SGCZ: variants seen among roughly 807,000 people sequenced by gnomAD.
SGCZ encodes the protein sarcoglycan zeta, also known as zeta-sarcoglycan.
SGCZ carries 40 observed loss-of-function variants against 41.3 expected under a neutral mutation model. The observed-to-expected ratio is 0.97, with a 90% CI of 0.75 to 1.26. The LOEUF is 1.26. Among genes scored for constraint, SGCZ ranks in the 50% most tolerant of loss-of-function variants. The probability of loss-of-function intolerance (pLI) is 0.00; values close to 1 mark genes in which losing one functional copy is unlikely to be tolerated. For synonymous variants in SGCZ, 206 were observed against 137.5 expected, an observed-to-expected ratio of 1.50 and a Z score of -3.49; for missense variants, 552 against 369.8, an observed-to-expected ratio of 1.49 and a Z score of -4.04.
intron 4 of SGCZ, among the ~76,000 whole-genome samples, chr8:14,219,712 A>G (rs1472276429): frequency 6.6e-6 from 1 of 151,604 alleles, no homozygotes; most frequent in East Asian, 2.0e-4. Flanking sequence ...GCACCACTGC[A>G]CTCCAGCCTG....
chr8:14,345,922 G>C lies in SGCZ; in HGVS notation c.235-21718C>G, dbSNP rs1343862441. Among the ~76,000 whole-genome samples the C allele has an allele frequency of 2.6e-5, 4 of 152,052 alleles. No individual in the cohort carries two copies. In the East Asian group the frequency reaches 7.7e-4, roughly 29 times the overall value. ...AAGATCAGTGGTTGCCAAGAATTCA[G>C]GGTAGGGAGGAAGGGATGTCTCAGT... is the stretch of plus-strand genomic sequence containing the variant. On this transcript the variant is annotated intron_variant, in intron 2 of 7. Coordinates refer to ENST00000382080, the MANE Select transcript of SGCZ (RefSeq NM_139167.4).
chr8:14,532,042 T>C (rs566531705), intron 2 of SGCZ, among the ~76,000 whole-genome samples: 1 of 152,222 alleles, frequency 6.6e-6, no homozygotes, highest in Admixed American at 6.5e-5. Context: ...TAGAAAATCA[T>C]TTTTCTTTAG....
intron 3 of SGCZ, among the ~76,000 whole-genome samples, chr8:14,244,499 T>G (rs1180565495): frequency 6.6e-6 from 1 of 152,172 alleles, no homozygotes; most frequent in Admixed American, 6.5e-5. Context: ...ACTGTAGCCT[T>G]GTAGTACAGT....
At chr8:14,691,656 T>C (rs1302926217) in intron 1 of SGCZ, among the ~76,000 whole-genome samples, 1 of 151,998 alleles carries the variant, frequency 6.6e-6, no homozygotes. Flanking sequence ...GTAGAAATAG[T>C]TCCATAAATA....
chr8:14,194,615 C>G (rs1805207400), intron 4 of SGCZ, among the ~76,000 whole-genome samples: 1 of 151,906 alleles, frequency 6.6e-6, no homozygotes, highest in Non-Finnish European at 1.5e-5. Context: ...TTTTCTGCTT[C>G]TGGCCAATAT....
At chr8:14,420,881 A>G (rs1799619670) in intron 2 of SGCZ, among the ~76,000 whole-genome samples, 1 of 152,110 alleles carries the variant, frequency 6.6e-6, no homozygotes, top group Non-Finnish European at 1.5e-5. Context: ...CTTGCTTTAT[A>G]TTTGTATGCA....
chr8:14,589,497 A>T (rs1339272815), intron 1 of SGCZ, among the ~76,000 whole-genome samples: 1 of 152,222 alleles, frequency 6.6e-6, no homozygotes, highest in Non-Finnish European at 1.5e-5. Flanking sequence ...TTGGAATCAG[A>T]CATAACTGAA....
At chr8:14,495,870 C>T (rs1036279499) in intron 2 of SGCZ, among the ~76,000 whole-genome samples, 1 of 152,088 alleles carries the variant, frequency 6.6e-6, no homozygotes, top group Non-Finnish European at 1.5e-5. Context: ...CAAGCCCTTC[C>T]TGGGTGATCA....
chr8:14,747,316 C>T (rs1799363949), intron 1 of SGCZ, among the ~76,000 whole-genome samples: 1 of 152,128 alleles, frequency 6.6e-6, no homozygotes, highest in African/African-American at 2.4e-5. Context: ...TCTAGCCGCC[C>T]TCAACACAAC....
intron 1 of SGCZ, among the ~76,000 whole-genome samples, chr8:15,030,905 G>C (rs1803636294): frequency 6.6e-6 from 1 of 152,182 alleles, no homozygotes; most frequent in Non-Finnish European, 1.5e-5. Flanking sequence ...CACAGTTTAA[G>C]TAAAGGAAAT....
At chr8:14,917,790 G>A (rs1438824979) in intron 1 of SGCZ, among the ~76,000 whole-genome samples, 6 of 151,834 alleles carry the variant, frequency 4.0e-5, no homozygotes, top group African/African-American at 7.3e-5. Flanking sequence ...AAATGATTTC[G>A]TGTCTTCTAT....
At chr8:14,354,303 ATGT>A (rs1803212203) in intron 2 of SGCZ, among the ~76,000 whole-genome samples, 1 of 151,958 alleles carries the variant, frequency 6.6e-6, no homozygotes, top group Non-Finnish European at 1.5e-5. Flanking sequence ...TCTGAAATTA[ATGT>A]TATTAGAAAA....
At position 14,586,103 on chromosome 8, in the gene SGCZ, G is replaced by A. The variant is rs532875865; in HGVS notation, c.40-31177C>T. Among the ~76,000 whole-genome samples the A allele has an allele frequency of 1.1e-4, 16 of 152,282 alleles. No homozygotes were observed. In the East Asian group the frequency reaches 2.3e-3, roughly 22 times the overall value. ...GTTAATCCTATTAACTATACACGCAGCTGAGAATAATTCTACTTCATAATC... is the reference window on the plus strand; with the variant it reads ...GTTAATCCTATTAACTATACACGCAACTGAGAATAATTCTACTTCATAATC... On this transcript the variant is annotated intron_variant, in intron 1 of 7. Coordinates refer to ENST00000382080, the MANE Select transcript of SGCZ (RefSeq NM_139167.4).
intron 1 of SGCZ, among the ~76,000 whole-genome samples, chr8:14,710,369 C>CAAAAAAAAAAAA (rs770994264): frequency 2.2e-5 from 2 of 92,428 alleles, no homozygotes; most frequent in Non-Finnish European, 4.4e-5. Flanking sequence ...GACTCCGCAT[C>CAAAAAAAAAAAA]AAAAAAAAAA....
At position 14,648,464 on chromosome 8, in the gene SGCZ, A is replaced by G. The variant is rs1159691087; in HGVS notation, c.40-93538T>C. Among the ~76,000 whole-genome samples, 5 of 152,216 alleles carry G rather than the reference A, an allele frequency of 3.3e-5. No individual in the cohort carries two copies. The East Asian group carries it at 9.7e-4, about 29-fold the overall frequency. ...ATATAATGGAGCAATATTTCACTGA[A>G]TAGTATGTTTAGTACATTGTGACAT... On this transcript the variant is annotated intron_variant, in intron 1 of 7. Transcript: ENST00000382080.
At chr8:14,984,969 A>G (rs750613717) in intron 1 of SGCZ, among the ~76,000 whole-genome samples, 2 of 152,172 alleles carry the variant, frequency 1.3e-5, no homozygotes, top group Non-Finnish European at 2.9e-5. Context: ...AGATTCCAAC[A>G]ACAACAGTAA....
intron 4 of SGCZ, among the ~76,000 whole-genome samples, chr8:14,205,896 C>G (rs1805598743): frequency 6.6e-6 from 1 of 152,034 alleles, no homozygotes; most frequent in African/African-American, 2.4e-5. Flanking sequence ...CCCAAGTTTT[C>G]TCATAAGAAT....
chr8:14,608,460 G>C (rs983795720), intron 1 of SGCZ, among the ~76,000 whole-genome samples: 3 of 152,084 alleles, frequency 2.0e-5, no homozygotes, highest in East Asian at 1.9e-4. Context: ...GCGGGGGGCA[G>C]ATGTGTCATA....
rs73520235 is a variant in SGCZ, at chr8:14,373,645, T to C, written c.235-49441A>G. On this transcript the variant is annotated intron_variant, in intron 2 of 7. Transcript: ENST00000382080. ...GGAAAGAATGAAGAACTGAGGACTA[T>C]ATCTGGTGAATTTGCAGTCACTAAA... 3.7e-3 allele frequency among the ~76,000 whole-genome samples: 570 copies of C among 152,324 alleles called. 4 individuals carry two copies. The highest frequency in any genetic ancestry group is 0.013 in the African/African-American group (545 of 41,566).
Sources: gnomAD v4.1 joint callset for allele counts (sites outside exome capture counted in the v4.1 genomes callset) on GRCh38, gnomAD v4.1.1 for gene constraint, MANE v1.5 for transcripts, NCBI Gene and HGNC (gene_info 2026-07-23, HGNC 2026-07-21) for gene names.